CAST: variants seen among roughly 807,000 people sequenced by gnomAD.
CAST encodes the protein MIR583 host.
In CAST, 76 loss-of-function variants were observed where a neutral mutation model predicts 119.6. The observed-to-expected ratio is 0.64, with a 90% CI of 0.53 to 0.77. CAST has a LOEUF of 0.77. Among genes scored for constraint, CAST ranks in the 30% least tolerant of loss-of-function variants. The pLI, the probability that CAST is intolerant of heterozygous loss-of-function variation, is 0.00. For missense variants in CAST, 953 were observed against 946.5 expected (o/e 1.01, Z -0.09); for synonymous variants, 319 against 331.6 (o/e 0.96, Z 0.41).
At chr5:96,329,464 C>T in the CAST span, among the ~76,000 whole-genome samples, 1 of 152,326 alleles carries the variant, frequency 6.6e-6, no homozygotes, top group Non-Finnish European at 1.5e-5. Context: ...AGGAGCCCTG[C>T]TCCTGCCCAC....
upstream of CAST, among the ~76,000 whole-genome samples, chr5:96,522,325 C>T (rs2150175382): frequency 6.6e-6 from 1 of 152,246 alleles, no homozygotes; most frequent in East Asian, 1.9e-4. Context: ...AATTATGTGT[C>T]CTTGGAGTGT....
chr5:96,526,921 G>A (rs578204170), upstream of CAST, among the ~76,000 whole-genome samples: 2 of 152,308 alleles, frequency 1.3e-5, no homozygotes, highest in South Asian at 4.1e-4. Flanking sequence ...GCAGGAGAAG[G>A]AGAAAAGGAA....
At chr5:95,990,497 G>T in the CAST span, among the ~76,000 whole-genome samples, 2 of 151,870 alleles carry the variant, frequency 1.3e-5, no homozygotes. Context: ...TTGAAAAATA[G>T]TAGAAAGAAG....
At chr5:96,591,754 C>T (rs1257157115) in intron 1 of CAST, among the ~76,000 whole-genome samples, 1 of 152,074 alleles carries the variant, frequency 6.6e-6, no homozygotes, top group African/African-American at 2.4e-5. Context: ...AGAAAAGCCT[C>T]GAAGTAATAA....
chr5:96,765,288 AC>A lies in CAST; in HGVS notation c.2003del (p.Pro668GlnfsTer11). 1 of 1,557,746 alleles carries A rather than the reference AC, an allele frequency of 6.4e-7. No individual in the cohort carries two copies. The highest frequency in any genetic ancestry group is 2.3e-5 in the East Asian group (1 of 43,910). On this transcript the variant is annotated frameshift_variant, in exon 26 of 32. Coordinates refer to ENST00000675179, the MANE Select transcript of CAST (RefSeq NM_001750.7). LOFTEE classifies it high-confidence loss of function. ...LSDSLGQRQPDPDENKPMEDK... is the reference protein window; with the variant it reads ...LSDSLGQRQPXPDENKPMEDK... The stretch of plus-strand genomic sequence containing the variant: ...GACAGTCTAGGACAAAGGCAGCCTG[AC>A]CCAGATGAGAACAAACCAATGGAAG...
the CAST span, among the ~76,000 whole-genome samples, chr5:96,292,740 G>A: frequency 2.0e-5 from 3 of 152,272 alleles, no homozygotes; most frequent in South Asian, 2.1e-4. Context: ...TGAGACTGAC[G>A]CGCTGCCCAC....
At chr5:96,570,223 G>A (rs998773984) in intron 1 of CAST, among the ~76,000 whole-genome samples, 2 of 152,144 alleles carry the variant, frequency 1.3e-5, no homozygotes. Flanking sequence ...CATGATGCTG[G>A]GCAGAGTAGG....
At chr5:96,339,174 T>A in the CAST span, among the ~76,000 whole-genome samples, 6 of 152,198 alleles carry the variant, frequency 3.9e-5, no homozygotes, top group Admixed American at 3.9e-4. Context: ...TGCAACTTGA[T>A]TTGAACAGCA....
At chr5:95,962,110 G>C in the CAST span, 1 of 375,370 alleles carries the variant, frequency 2.7e-6, no homozygotes, top group Non-Finnish European at 4.7e-6. Context: ...TTGGCTAGCC[G>C]GCCGAGATTG....
chr5:96,037,701 G>A, the CAST span, among the ~76,000 whole-genome samples: 6 of 152,212 alleles, frequency 3.9e-5, no homozygotes, highest in South Asian at 6.2e-4. Context: ...AACATTTAGT[G>A]GCTTAAAACA....
At chr5:96,180,387 T>C in the CAST span, among the ~76,000 whole-genome samples, 1 of 152,204 alleles carries the variant, frequency 6.6e-6, no homozygotes, top group Non-Finnish European at 1.5e-5. Context: ...GTGAGATAAA[T>C]GTCTTCTTAA....
chr5:96,192,911 T>G, the CAST span, among the ~76,000 whole-genome samples: 42 of 151,056 alleles, frequency 2.8e-4, 1 homozygote, highest in African/African-American at 9.5e-4. Flanking sequence ...TAAATCACAA[T>G]GAGAAATACA....
intron 1 of CAST, among the ~76,000 whole-genome samples, chr5:96,535,697 T>A (rs369175111): frequency 4.0e-5 from 6 of 150,396 alleles, no homozygotes; most frequent in Non-Finnish European, 8.9e-5. Flanking sequence ...CCTCAGCCTC[T>A]CGAGTAGCTG....
At chr5:96,490,446 C>T in the CAST span, among the ~76,000 whole-genome samples, 1 of 151,606 alleles carries the variant, frequency 6.6e-6, no homozygotes, top group Non-Finnish European at 1.5e-5. Flanking sequence ...CTAAGTATAG[C>T]AAGTCATAGT....
At chr5:96,622,489 C>T (rs1051920224) in intron 1 of CAST, among the ~76,000 whole-genome samples, 1 of 152,210 alleles carries the variant, frequency 6.6e-6, no homozygotes, top group African/African-American at 2.4e-5. Context: ...TCAGCTGTCA[C>T]TGGTGAAAGC....
the CAST span, among the ~76,000 whole-genome samples, chr5:95,976,771 T>C: frequency 8.5e-5 from 13 of 152,322 alleles, no homozygotes; most frequent in Admixed American, 3.3e-4. Context: ...AGTGAGATTA[T>C]AGTTCAGCTT....
At chr5:96,412,820 A>T in the CAST span, 1 of 330,100 alleles carries the variant, frequency 3.0e-6, no homozygotes, top group Non-Finnish European at 4.6e-6. Context: ...CTGGGCATTG[A>T]GTCTGAAGTG....
At chr5:95,997,972 T>TG in the CAST span, among the ~76,000 whole-genome samples, 1 of 147,422 alleles carries the variant, frequency 6.8e-6, no homozygotes, top group African/African-American at 2.5e-5. Context: ...GGTTTTTTTT[T>TG]TTTTTTTTTT....
the CAST span, among the ~76,000 whole-genome samples, chr5:96,148,600 G>T: frequency 6.6e-6 from 1 of 152,168 alleles, no homozygotes; most frequent in Non-Finnish European, 1.5e-5. Flanking sequence ...GTCAGCGTTA[G>T]GATAAAACTT....
Sources: allele counts gnomAD v4.1 joint callset (sites outside exome capture counted in the v4.1 genomes callset), GRCh38; gene constraint gnomAD v4.1.1; transcripts MANE v1.5; gene names NCBI Gene and HGNC (gene_info 2026-07-23, HGNC 2026-07-21).